Variants in LDLRAD4 observed in about 807,000 individuals in gnomAD.
LDLRAD4 encodes the protein low-density lipoprotein receptor class A domain-containing protein 4.
In LDLRAD4, 5 loss-of-function variants were observed where a neutral mutation model predicts 17.0. That is an observed-to-expected ratio of 0.29 (90% CI 0.15 to 0.62). LDLRAD4 has a LOEUF of 0.62. Among genes scored for constraint, LDLRAD4 ranks in the 20% least tolerant of loss-of-function variants. The pLI is 0.84. For synonymous variants in LDLRAD4, 168 were observed against 171.8 expected, an observed-to-expected ratio of 0.98 and a Z score of 0.17; for missense variants, 340 against 424.7, an observed-to-expected ratio of 0.80 and a Z score of 1.75.
intron 4 of LDLRAD4, among the ~76,000 whole-genome samples, chr18:13,632,455 G>C (rs778646108): frequency 2.0e-5 from 3 of 152,334 alleles, no homozygotes; most frequent in Middle Eastern, 3.4e-3. Context: ...TCTGTGCAAG[G>C]CTGCAGCTGG....
intron 2 of LDLRAD4, among the ~76,000 whole-genome samples, chr18:13,395,952 C>G (rs1411649970): frequency 6.6e-6 from 1 of 152,138 alleles, no homozygotes; most frequent in Non-Finnish European, 1.5e-5. Context: ...CTTCCAGAGT[C>G]TCATGGAGTC....
At chr18:13,414,585 T>A (rs1219310330) in intron 2 of LDLRAD4, among the ~76,000 whole-genome samples, 1 of 152,258 alleles carries the variant, frequency 6.6e-6, no homozygotes, top group Non-Finnish European at 1.5e-5. Flanking sequence ...GTTTCTTTCT[T>A]ACTTTTGCAT....
chr18:13,625,082 C>A (rs1212482452), intron 4 of LDLRAD4, among the ~76,000 whole-genome samples: 3 of 152,346 alleles, frequency 2.0e-5, no homozygotes, highest in African/African-American at 7.2e-5. Flanking sequence ...GGGTTGGATG[C>A]TCCTCCTGTC....
At chr18:13,648,412 G>A (rs943441313) in exon 6 of LDLRAD4, 1 of 152,174 alleles carries the variant, frequency 6.6e-6, no homozygotes, top group African/African-American at 2.4e-5. Flanking sequence ...TTCGAGGCTG[G>A]GGCTCTGTAA....
At chr18:13,306,333 T>C (rs1389720492) in intron 1 of LDLRAD4, among the ~76,000 whole-genome samples, 2 of 152,238 alleles carry the variant, frequency 1.3e-5, no homozygotes, top group African/African-American at 4.8e-5. Context: ...CAGTGAGAAC[T>C]CTTTTCCTGG....
At chr18:13,625,196 G>T (rs2041023236) in intron 4 of LDLRAD4, among the ~76,000 whole-genome samples, 2 of 152,188 alleles carry the variant, frequency 1.3e-5, no homozygotes, top group Admixed American at 1.3e-4. Context: ...GAGCACATTA[G>T]AAAATGATGT....
In LDLRAD4 at chr18:13,324,141, A is replaced by AT. The variant is rs59296910; in HGVS notation, c.-383+45967dup. On this transcript the variant is annotated intron_variant, in intron 1 of 5. Coordinates refer to ENST00000359446, the Ensembl canonical transcript of LDLRAD4. ...TTAACCATCTTGAGTTCAAGTGTCT[A>AT]TTTTTTTTTTTTTTGAGACGGAGTC... Among the ~76,000 whole-genome samples, 131 of 145,332 alleles carry AT rather than the reference A, an allele frequency of 9.0e-4. 2 individuals are homozygous for AT. The highest frequency in any genetic ancestry group is 9.8e-4 in the African/African-American group (39 of 39,846).
chr18:13,270,560 T>G (rs1362104044), intron 1 of LDLRAD4, among the ~76,000 whole-genome samples: 1 of 152,136 alleles, frequency 6.6e-6, no homozygotes, highest in Non-Finnish European at 1.5e-5. Context: ...TTCATTAAGT[T>G]ATTTCAGAGT....
chr18:13,561,454 A>G (rs1031730590), intron 3 of LDLRAD4: 5 of 152,212 alleles, frequency 3.3e-5, no homozygotes, highest in African/African-American at 1.2e-4. Flanking sequence ...ATAGGAGTAA[A>G]TGAGATAATT....
intron 1 of LDLRAD4, among the ~76,000 whole-genome samples, chr18:13,252,004 TA>T (rs1252625809): frequency 2.0e-5 from 3 of 152,252 alleles, no homozygotes; most frequent in Non-Finnish European, 4.4e-5. Context: ...ATGTCATTTA[TA>T]TGGTTCTGTA....
At chr18:13,376,616 C>T (rs1178079608) in intron 1 of LDLRAD4, among the ~76,000 whole-genome samples, 2 of 152,244 alleles carry the variant, frequency 1.3e-5, no homozygotes, top group Non-Finnish European at 1.5e-5. Context: ...CTGCAGTTGC[C>T]GATCAGTGCC....
At chr18:13,425,471 G>T (rs1421265429) in intron 2 of LDLRAD4, among the ~76,000 whole-genome samples, 1 of 152,212 alleles carries the variant, frequency 6.6e-6, no homozygotes, top group East Asian at 1.9e-4. Flanking sequence ...TGGATTGGCT[G>T]TGGAGCAGAA....
At chr18:13,443,690 C>A (rs2091186618) in intron 3 of LDLRAD4, among the ~76,000 whole-genome samples, 3 of 145,684 alleles carry the variant, frequency 2.1e-5, no homozygotes, top group Admixed American at 7.3e-5. Context: ...CCTCCCTCTT[C>A]CTGTCGTCGT....
intron 2 of LDLRAD4, chr18:13,427,497 A>T (rs2090031118): frequency 6.6e-6 from 1 of 152,552 alleles, no homozygotes. Context: ...AGAAATCAGC[A>T]CTCACACCCA....
At chr18:13,238,539 G>A (rs1205775237) in intron 1 of LDLRAD4, among the ~76,000 whole-genome samples, 1 of 152,200 alleles carries the variant, frequency 6.6e-6, no homozygotes, top group African/African-American at 2.4e-5. Flanking sequence ...GGGTTATTTT[G>A]GAGAGCAGGT....
Position 13,540,586 on chromosome 18 carries a change from G to A in LDLRAD4, c.182-80531G>A, listed in dbSNP as rs369023734. ...AATATATTTACAGCCTTTTCAGAGA[G>A]TTCCGTGGGGGTTCGTCAGTGGTTA... On this transcript the variant is annotated intron_variant, in intron 3 of 5. Transcript: ENST00000359446. 5.9e-5 allele frequency among the ~76,000 whole-genome samples: 9 copies of A among 152,304 alleles called. No homozygotes were observed. In the South Asian group the frequency reaches 1.9e-3, roughly 32 times the overall value.
chr18:13,218,843 C>G (rs1285390764), exon 1 of LDLRAD4: 8 of 152,990 alleles, frequency 5.2e-5, no homozygotes, highest in Non-Finnish European at 1.2e-4. Context: ...CTCTGCCCCT[C>G]ACCTTGGAAT....
chr18:13,570,529 C>T (rs753976708), intron 3 of LDLRAD4, among the ~76,000 whole-genome samples: 7 of 152,180 alleles, frequency 4.6e-5, no homozygotes, highest in South Asian at 4.1e-4. Flanking sequence ...TGGTCTCAGC[C>T]GGGGACCTCC....
intron 1 of LDLRAD4, among the ~76,000 whole-genome samples, chr18:13,346,992 T>A (rs1307792909): frequency 6.6e-6 from 1 of 152,248 alleles, no homozygotes; most frequent in Non-Finnish European, 1.5e-5. Flanking sequence ...GTTCCCTGAA[T>A]ACAGCACACT....
Sources: gnomAD v4.1 joint callset for allele counts (sites outside exome capture counted in the v4.1 genomes callset) on GRCh38, gnomAD v4.1.1 for gene constraint, MANE v1.5 for transcripts, NCBI Gene and HGNC (gene_info 2026-07-23, HGNC 2026-07-21) for gene names.